HS3ST4: variants seen among roughly 807,000 people sequenced by gnomAD.
HS3ST4 encodes heparan sulfate glucosamine 3-O-sulfotransferase 4.
Under a neutral mutation model 29.2 loss-of-function variants are expected in HS3ST4, and 17 were observed. The ratio of observed to expected loss-of-function variants is 0.58; its 90% CI spans 0.40 to 0.87. HS3ST4 has a LOEUF of 0.87. Ranked by LOEUF, HS3ST4 falls within the 40% of genes least tolerant of loss-of-function variation. HS3ST4 has a pLI of 0.00. For synonymous variants in HS3ST4, 314 were observed against 285.7 expected, an observed-to-expected ratio of 1.10 and a Z score of -1.00; for missense variants, 627 against 634.5, an observed-to-expected ratio of 0.99 and a Z score of 0.13.
At chr16:25,783,200 C>T (rs1454767253) in intron 1 of HS3ST4, among the ~76,000 whole-genome samples, 1 of 152,006 alleles carries the variant, frequency 6.6e-6, no homozygotes, top group Non-Finnish European at 1.5e-5. Context: ...TTCAATTTTC[C>T]AATATGTTTC....
chr16:25,888,663 C>G (rs1467590383), intron 1 of HS3ST4, among the ~76,000 whole-genome samples: 3 of 152,188 alleles, frequency 2.0e-5, no homozygotes, highest in Non-Finnish European at 4.4e-5. Flanking sequence ...GGTTAAATTC[C>G]TCCTTATTCT....
chr16:25,916,846 A>T (rs888845103), intron 1 of HS3ST4, among the ~76,000 whole-genome samples: 6 of 151,046 alleles, frequency 4.0e-5, no homozygotes, highest in African/African-American at 1.5e-4. Context: ...CGCCCGGCTG[A>T]TTTTTTGTAT....
intron 1 of HS3ST4, among the ~76,000 whole-genome samples, chr16:26,043,037 G>T (rs1969649151): frequency 6.6e-6 from 1 of 152,250 alleles, no homozygotes; most frequent in Admixed American, 6.5e-5. Flanking sequence ...GAGTTAAAAA[G>T]TTGCTATTCT....
intron 1 of HS3ST4, among the ~76,000 whole-genome samples, chr16:26,044,878 T>G (rs1184694915): frequency 1.3e-5 from 2 of 152,120 alleles, no homozygotes; most frequent in Non-Finnish European, 2.9e-5. Context: ...CTTTATTATG[T>G]CCTGTGGTCA....
chr16:26,110,935 C>G (rs1899120539), intron 1 of HS3ST4, among the ~76,000 whole-genome samples: 1 of 152,140 alleles, frequency 6.6e-6, no homozygotes, highest in Non-Finnish European at 1.5e-5. Flanking sequence ...CAGGTTTTCC[C>G]TAGAGAGCCA....
At chr16:25,872,743 T>C (rs1049909143) in intron 1 of HS3ST4, among the ~76,000 whole-genome samples, 2 of 152,022 alleles carry the variant, frequency 1.3e-5, no homozygotes, top group Non-Finnish European at 2.9e-5. Flanking sequence ...ATTCAAAGAG[T>C]AGATGAATAA....
At chr16:26,131,861 T>G (rs987972014) in intron 1 of HS3ST4, among the ~76,000 whole-genome samples, 4 of 152,226 alleles carry the variant, frequency 2.6e-5, no homozygotes, top group African/African-American at 9.6e-5. Flanking sequence ...ACCCATCTAT[T>G]CACTCAACAG....
chr16:26,049,565 G>A (rs1350655101), intron 1 of HS3ST4, among the ~76,000 whole-genome samples: 3 of 151,924 alleles, frequency 2.0e-5, no homozygotes, highest in Non-Finnish European at 4.4e-5. Flanking sequence ...CAACCCAGAA[G>A]AGGTCTGTGA....
chr16:25,758,459 C>A (rs1966770338), intron 1 of HS3ST4, among the ~76,000 whole-genome samples: 1 of 152,108 alleles, frequency 6.6e-6, no homozygotes. Flanking sequence ...CAAGTCTGCT[C>A]CCTTTAGGGT....
chr16:25,786,870 C>A (rs1005168403), intron 1 of HS3ST4, among the ~76,000 whole-genome samples: 1 of 152,044 alleles, frequency 6.6e-6, no homozygotes, highest in South Asian at 2.1e-4. Flanking sequence ...ACTGTGATTC[C>A]GGGAGGGGGA....
chr16:25,871,434 A>G (rs1051002897), intron 1 of HS3ST4, among the ~76,000 whole-genome samples: 2 of 152,180 alleles, frequency 1.3e-5, no homozygotes, highest in Admixed American at 6.5e-5. Context: ...TGGTGTGGAA[A>G]AATTACAGCC....
At chr16:25,815,080 A>G (rs142673262) in intron 1 of HS3ST4, among the ~76,000 whole-genome samples, 195 of 152,308 alleles carry the variant, frequency 1.3e-3, no homozygotes, top group Non-Finnish European at 1.9e-3. Context: ...CCATATGTGG[A>G]CTGTGCAGAA....
At chr16:26,071,314 T>G (rs1898601491) in intron 1 of HS3ST4, among the ~76,000 whole-genome samples, 1 of 151,924 alleles carries the variant, frequency 6.6e-6, no homozygotes, top group South Asian at 2.1e-4. Context: ...CTGTAGAAAT[T>G]AGGAGTCCGT....
intron 1 of HS3ST4, among the ~76,000 whole-genome samples, chr16:26,004,590 C>A (rs1460482049): frequency 1.3e-5 from 2 of 152,204 alleles, no homozygotes; most frequent in East Asian, 3.8e-4. Context: ...AGGCCAATGT[C>A]TCTGTGATAC....
At chr16:26,041,812 G>A (rs1176150657) in intron 1 of HS3ST4, among the ~76,000 whole-genome samples, 5 of 152,118 alleles carry the variant, frequency 3.3e-5, no homozygotes, top group Admixed American at 2.0e-4. Flanking sequence ...ACTTTAACAA[G>A]CCTGCAATTT....
At chr16:25,993,253 T>A (rs1166899508) in intron 1 of HS3ST4, among the ~76,000 whole-genome samples, 1 of 152,038 alleles carries the variant, frequency 6.6e-6, no homozygotes, top group Non-Finnish European at 1.5e-5. Flanking sequence ...GAGCTGGGGA[T>A]GAGGTGTTAT....
intron 1 of HS3ST4, among the ~76,000 whole-genome samples, chr16:25,851,023 C>T (rs532061547): frequency 2.6e-5 from 4 of 152,200 alleles, no homozygotes; most frequent in African/African-American, 7.2e-5. Context: ...CAATTCTAAG[C>T]GGTTGGAGTC....
intron 1 of HS3ST4, among the ~76,000 whole-genome samples, chr16:25,823,447 C>G (rs938576000): frequency 2.0e-5 from 3 of 152,204 alleles, no homozygotes. Flanking sequence ...GTATGTAGTT[C>G]ATTATACAAC....
chr16:25,891,180 G>A (rs144538280), intron 1 of HS3ST4, among the ~76,000 whole-genome samples: 1 of 152,164 alleles, frequency 6.6e-6, no homozygotes, highest in Non-Finnish European at 1.5e-5. Context: ...CTGTCACCGG[G>A]TATTAGGAAC....
Sources: allele counts gnomAD v4.1 joint callset (sites outside exome capture counted in the v4.1 genomes callset), GRCh38; gene constraint gnomAD v4.1.1; transcripts MANE v1.5; gene names NCBI Gene and HGNC (gene_info 2026-07-23, HGNC 2026-07-21).